The following RAPGEF6 variants were observed in gnomAD, a reference collection of about 807,000 sequenced individuals.
The protein encoded by RAPGEF6 is PDZ domain containing guanine nucleotide exchange factor (GEF) 2.
Under a neutral mutation model 171.4 loss-of-function variants are expected in RAPGEF6, and 56 were observed. The observed-to-expected ratio is 0.33, with a 90% CI of 0.26 to 0.41. The LOEUF (loss-of-function observed/expected upper bound fraction) is 0.41, where lower values mean the gene tolerates loss of function less well. RAPGEF6 is among the 10% of genes least tolerant of loss of function. The probability of loss-of-function intolerance (pLI) is 1.00; values close to 1 mark genes in which losing one functional copy is unlikely to be tolerated. For missense variants in RAPGEF6, 1,674 were observed against 1,921.4 expected, an observed-to-expected ratio of 0.87 and a Z score of 2.41; for synonymous variants, 692 against 650.1, an observed-to-expected ratio of 1.06 and a Z score of -0.98.
At chr5:131,487,375 CTTAT>C (rs1363296666) in intron 15 of RAPGEF6, among the ~76,000 whole-genome samples, 1 of 152,218 alleles carries the variant, frequency 6.6e-6, no homozygotes, top group Non-Finnish European at 1.5e-5. Context: ...CTTTTATTCC[CTTAT>C]TTGTCCCTGC....
At chr5:131,530,657 C>A (rs889793619) in intron 6 of RAPGEF6, among the ~76,000 whole-genome samples, 15 of 152,172 alleles carry the variant, frequency 9.9e-5, no homozygotes, top group African/African-American at 3.6e-4. Flanking sequence ...CAGTAGAGTA[C>A]CAATCCAGAA....
rs10581966 is a variant in RAPGEF6 at position 131,599,503 on chromosome 5, T to TAC, written c.197+3766_197+3767dup. On this transcript the variant is annotated intron_variant, in intron 3 of 27. Transcript: ENST00000509018. Reference sequence around the variant, plus strand: ...GCAAAATAAAGAGACCACACAGAGATACACACACACACACCTACACACACG... The same window carrying TAC: ...GCAAAATAAAGAGACCACACAGAGATACACACACACACACACCTACACACACG... 1.1e-3 allele frequency among the ~76,000 whole-genome samples: 161 copies of TAC among 151,612 alleles called. 1 individual carries two copies. The highest frequency in any genetic ancestry group is 3.6e-3 in the African/African-American group (147 of 41,314).
intron 11 of RAPGEF6, among the ~76,000 whole-genome samples, chr5:131,501,133 G>A (rs933242457): frequency 6.6e-6 from 1 of 151,874 alleles, no homozygotes; most frequent in South Asian, 2.1e-4. Context: ...TGGCCAAAAT[G>A]GCAAAACCCC....
intron 6 of RAPGEF6, among the ~76,000 whole-genome samples, chr5:131,540,428 T>G (rs1760057592): frequency 6.6e-6 from 1 of 152,112 alleles, no homozygotes; most frequent in Non-Finnish European, 1.5e-5. Context: ...TAGTCAAGTG[T>G]GGTGGCACAT....
intron 24 of RAPGEF6, among the ~76,000 whole-genome samples, chr5:131,435,538 T>C (rs2149808477): frequency 1.3e-5 from 2 of 152,342 alleles, no homozygotes; most frequent in South Asian, 4.1e-4. Context: ...AAAATAAACA[T>C]TCCAGATCCC....
At chr5:131,523,924 A>C (rs957385855) in intron 6 of RAPGEF6, among the ~76,000 whole-genome samples, 2 of 152,172 alleles carry the variant, frequency 1.3e-5, no homozygotes, top group Admixed American at 6.5e-5. Flanking sequence ...AGGAAAAAAA[A>C]CCAGAGTGAT....
At chr5:131,549,429 C>G (rs1283002156) in intron 5 of RAPGEF6, among the ~76,000 whole-genome samples, 1 of 152,154 alleles carries the variant, frequency 6.6e-6, no homozygotes, top group African/African-American at 2.4e-5. Flanking sequence ...AAACTGCAGA[C>G]AGTACCAAAT....
In RAPGEF6 at chr5:131,634,925, G is replaced by T. The variant is rs772529857; in HGVS notation, c.69+37C>A. ...GACAGACAGGAGGATGCTGTCTACT[G>T]GACTGTGAGACGCACATAAAGGTCA... On this transcript the variant is annotated intron_variant, in intron 1 of 27. Coordinates refer to ENST00000509018, the MANE Select transcript of RAPGEF6 (RefSeq NM_016340.6). The T allele has an allele frequency of 4.3e-6, 7 of 1,611,356 alleles. No individual in the cohort carries two copies. In the East Asian group the frequency reaches 1.6e-4, roughly 36 times the overall value.
Position 131,462,070 on chromosome 5 carries a change from G to T in RAPGEF6, c.2499C>A (p.Asn833Lys). Residue 833 changes from asparagine (N) to lysine (K), a missense_variant, in exon 19 of 28, where the codon AAC becomes AAA. Transcript: ENST00000509018. ...CTGAACATAAGGTTTCTGTTTCCAT[G>T]TTATTTTTTAAGTAATACCTAAATG... is the stretch of plus-strand genomic sequence containing the variant. ...QLNGRYYLKN[N>K]METETLCSDE... The T allele has an allele frequency of 6.5e-7, 1 of 1,538,724 alleles. No homozygotes were observed. The highest frequency in any genetic ancestry group is 8.8e-7 in the Non-Finnish European group (1 of 1,142,420).
intron 4 of RAPGEF6, among the ~76,000 whole-genome samples, chr5:131,563,399 A>T (rs1281638443): frequency 1.3e-5 from 2 of 152,222 alleles, no homozygotes; most frequent in African/African-American, 2.4e-5. Flanking sequence ...AATATTTAAA[A>T]ATGTCAATTT....
At chr5:131,511,413 C>G (rs976431133) in intron 7 of RAPGEF6, 1 of 150,692 alleles carries the variant, frequency 6.6e-6, no homozygotes, top group Non-Finnish European at 1.5e-5. Flanking sequence ...GTGAAGACTA[C>G]AGAATCTTAA....
chr5:131,606,042 A>G (rs1216771404), intron 1 of RAPGEF6, among the ~76,000 whole-genome samples: 10 of 147,108 alleles, frequency 6.8e-5, no homozygotes, highest in Non-Finnish European at 1.5e-4. Flanking sequence ...AAAAAAAAAA[A>G]AAAAAAAAAA....
At chr5:131,487,619 G>A (rs554656978) in intron 15 of RAPGEF6, among the ~76,000 whole-genome samples, 20 of 152,086 alleles carry the variant, frequency 1.3e-4, no homozygotes, top group African/African-American at 3.1e-4. Flanking sequence ...GACCCAGAGC[G>A]CTGATTGGTG....
At chr5:131,543,412 A>C (rs1336696628) in intron 6 of RAPGEF6, among the ~76,000 whole-genome samples, 1 of 152,216 alleles carries the variant, frequency 6.6e-6, no homozygotes, top group African/African-American at 2.4e-5. Context: ...TTTACAGTGA[A>C]AGGTGGCTGG....
At chr5:131,603,372 T>A in intron 2 of RAPGEF6, 45 bp from the exon 3 acceptor site, 1 of 1,307,336 alleles carries the variant, frequency 7.6e-7, no homozygotes, top group Non-Finnish European at 1.1e-6. Context: ...ATTTTGTTTT[T>A]AAAATTGTTA....
chr5:131,539,734 T>C (rs766695184), intron 6 of RAPGEF6, among the ~76,000 whole-genome samples: 12 of 152,192 alleles, frequency 7.9e-5, no homozygotes, highest in African/African-American at 1.9e-4. Context: ...TTGAGCTGCA[T>C]TGACAAATGT....
chr5:131,459,031 C>T (rs1216268159), intron 19 of RAPGEF6, among the ~76,000 whole-genome samples: 1 of 152,034 alleles, frequency 6.6e-6, no homozygotes, highest in African/African-American at 2.4e-5. Flanking sequence ...CAGAAATAGC[C>T]AAAGAAAAGT....
At chr5:131,504,560 A>T in intron 11 of RAPGEF6, 66 bp downstream of exon 11, 1 of 1,457,828 alleles carries the variant, frequency 6.9e-7, no homozygotes, top group Non-Finnish European at 9.2e-7. Context: ...AAATGGTTTA[A>T]AACAAGATGA....
chr5:131,606,319 G>C (rs928706282), intron 1 of RAPGEF6, among the ~76,000 whole-genome samples: 1 of 144,242 alleles, frequency 6.9e-6, no homozygotes, highest in Non-Finnish European at 1.5e-5. Context: ...AGCCGAGATC[G>C]CACCACTGCA....
Sources: allele counts gnomAD v4.1 joint callset (sites outside exome capture counted in the v4.1 genomes callset), GRCh38; gene constraint gnomAD v4.1.1; transcripts MANE v1.5; gene names NCBI Gene and HGNC (gene_info 2026-07-23, HGNC 2026-07-21).